Variants in PGGT1B observed in about 807,000 individuals in gnomAD.
PGGT1B encodes the protein protein geranylgeranyltransferase type I subunit beta.
In PGGT1B, 30 loss-of-function variants were observed where a neutral mutation model predicts 46.1. The observed-to-expected ratio is 0.65, with a 90% CI of 0.49 to 0.88. The LOEUF (loss-of-function observed/expected upper bound fraction) is 0.88. PGGT1B is among the 40% of genes least tolerant of loss of function. The pLI, the probability that PGGT1B is intolerant of heterozygous loss-of-function variation, is 0.00. For synonymous variants in PGGT1B, 170 were observed against 160.0 expected (o/e 1.06, Z -0.47); for missense variants, 376 against 455.9 (o/e 0.82, Z 1.60).
At chr5:115,235,340 T>C (rs984802358) in intron 5 of PGGT1B, among the ~76,000 whole-genome samples, 2 of 152,012 alleles carry the variant, frequency 1.3e-5, no homozygotes, top group Non-Finnish European at 2.9e-5. Flanking sequence ...AACTGATATT[T>C]ATAGGAAGGA....
At chr5:115,259,514 C>T (rs558775857) in intron 1 of PGGT1B, among the ~76,000 whole-genome samples, 35 of 151,958 alleles carry the variant, frequency 2.3e-4, no homozygotes, top group South Asian at 6.3e-4. Context: ...ATGGTGAAAC[C>T]GCATCTCTAC....
Position 115,257,021 on chromosome 5 carries a change from T to C in PGGT1B, c.141-3766A>G, listed in dbSNP as rs1748343733. ...TGTAAATAAGCAAACAATATCTTTC[T>C]GTTCACCCCTCTTCTCTCACTCTGA... On this transcript the variant is annotated intron_variant, in intron 1 of 8. Coordinates refer to ENST00000419445, the MANE Select transcript of PGGT1B (RefSeq NM_005023.4). Among the ~76,000 whole-genome samples the C allele has an allele frequency of 2.0e-5, 3 of 152,344 alleles. No homozygotes were observed. The South Asian group carries it at 6.2e-4, about 32-fold the overall frequency.
chr5:115,243,930 T>G (rs1429732580), intron 2 of PGGT1B, among the ~76,000 whole-genome samples: 1 of 152,142 alleles, frequency 6.6e-6, no homozygotes, highest in Non-Finnish European at 1.5e-5. Context: ...TACCTTCTCT[T>G]CTCTCTTCTG....
intron 2 of PGGT1B, among the ~76,000 whole-genome samples, chr5:115,251,929 A>T (rs576937818): frequency 6.6e-6 from 1 of 152,214 alleles, no homozygotes; most frequent in Non-Finnish European, 1.5e-5. Flanking sequence ...AAATTATTAA[A>T]AAACATCCGG....
chr5:115,248,373 G>T (rs909779792), intron 2 of PGGT1B, among the ~76,000 whole-genome samples: 2 of 152,140 alleles, frequency 1.3e-5, no homozygotes, highest in Non-Finnish European at 2.9e-5. Context: ...TATTACTGTG[G>T]ACAAATTATT....
chr5:115,214,510 T>A (rs1756349149), intron 8 of PGGT1B, among the ~76,000 whole-genome samples: 1 of 152,226 alleles, frequency 6.6e-6, no homozygotes, highest in Admixed American at 6.5e-5. Flanking sequence ...AGAATAAGCT[T>A]AATTTTAAAG....
rs570785929 is a variant in PGGT1B, at chr5:115,206,549, C to T, written c.*5853G>A. The T allele has an allele frequency of 6.6e-5, 10 of 152,112 alleles. No individual in the cohort carries two copies. In the East Asian group the frequency reaches 1.9e-3, roughly 29 times the overall value. 9.4% of individuals were successfully genotyped at this position (152,112 alleles called of 1,614,324 possible). The stretch of plus-strand genomic sequence containing the variant: ...GGAATTCCTCTTCTGTTCCATTGGA[C>T]TTCCTATTTATGTGCCAATACAAAA... On this transcript the variant is annotated 3_prime_UTR_variant, in exon 9 of 9. Coordinates refer to ENST00000419445, the MANE Select transcript of PGGT1B (RefSeq NM_005023.4).
At chr5:115,245,089 C>T (rs1224067105) in intron 2 of PGGT1B, among the ~76,000 whole-genome samples, 1 of 152,048 alleles carries the variant, frequency 6.6e-6, no homozygotes, top group Non-Finnish European at 1.5e-5. Context: ...GATCCCATTT[C>T]TACTTTTGAT....
In PGGT1B at chr5:115,212,374, T is replaced by TTGCCC; in HGVS notation, c.*27_*28insGGGCA. 1 of 1,554,748 alleles carries TTGCCC rather than the reference T, an allele frequency of 6.4e-7. No individual in the cohort carries two copies. The highest frequency in any genetic ancestry group is 8.8e-7 in the Non-Finnish European group (1 of 1,131,922). Reference sequence around the variant, plus strand: ...ACTTGAGCTACAGTTATGCTACAAATCCCCCCACCCTCCCAATCTAAAATC... The same window carrying TTGCCC: ...ACTTGAGCTACAGTTATGCTACAAATTGCCCCCCCCCACCCTCCCAATCTAAAATC... On this transcript the variant is annotated 3_prime_UTR_variant, in exon 9 of 9. Transcript: ENST00000419445.
In PGGT1B at chr5:115,211,035, T is replaced by C. The variant is rs982322835; in HGVS notation, c.*1367A>G. The C allele has an allele frequency of 7.2e-5, 11 of 152,088 alleles. No homozygotes were observed. Among genetic ancestry groups the C allele is most frequent in the African/African-American group, 2.7e-4 (11 of 41,444 alleles). The allele number at this position is 152,088 out of a possible 1,614,324, so 9.4% of individuals were successfully genotyped here. On this transcript the variant is annotated 3_prime_UTR_variant, in exon 9 of 9. Transcript: ENST00000419445. ...CTGATTTAGAAAAAAAGATAACATTTAAAGTATTACAATGCCTAAACAGTG... is the reference window on the plus strand; with the variant it reads ...CTGATTTAGAAAAAAAGATAACATTCAAAGTATTACAATGCCTAAACAGTG...
At chr5:115,215,530 T>C (rs1756388831) in intron 8 of PGGT1B, among the ~76,000 whole-genome samples, 1 of 152,024 alleles carries the variant, frequency 6.6e-6, no homozygotes, top group Non-Finnish European at 1.5e-5. Context: ...ACTCCTTGCC[T>C]CAAGTGATCC....
chr5:115,246,355 CAAA>C (rs59252027), intron 2 of PGGT1B, among the ~76,000 whole-genome samples: 2 of 118,584 alleles, frequency 1.7e-5, no homozygotes, highest in Non-Finnish European at 1.8e-5. Context: ...TACTCCATTT[CAAA>C]AAAAAAAAAA....
intron 8 of PGGT1B, among the ~76,000 whole-genome samples, chr5:115,214,184 T>G (rs765868781): frequency 1.4e-4 from 21 of 152,170 alleles, no homozygotes; most frequent in African/African-American, 4.8e-4. Flanking sequence ...AATAGAACTG[T>G]GTAAAACTAA....
At position 115,216,901 on chromosome 5, in the gene PGGT1B, C is replaced by T; in HGVS notation, c.916G>A (p.Val306Ile). ...TCTGGCCACTTGGCAAATCCCCCTA[C>T]AAGGCGATCTTGAGTTGATAAGATG... ...NYILSTQDRL[V>I]GGFAKWPDSH... Residue 306 changes from valine (V) to isoleucine (I), a missense_variant, in exon 8 of 9, where the codon GTA becomes ATA. Physicochemically the swap from Val to Ile is conservative, Grantham distance 29 (BLOSUM62 3). Around this residue, in one of 2 missense-constraint regions of PGGT1B, gnomAD observed 222 missense variants for 313.6 expected, o/e 0.71. Coordinates refer to ENST00000419445, the MANE Select transcript of PGGT1B (RefSeq NM_005023.4). The T allele has an allele frequency of 7.5e-6, 12 of 1,597,594 alleles. No individual in the cohort carries two copies. The highest frequency in any genetic ancestry group is 1.0e-5 in the Non-Finnish European group (12 of 1,167,316).
At chr5:115,262,673 G>A (rs772311637) in intron 1 of PGGT1B, 39 bp downstream of exon 1, 3 of 1,573,032 alleles carry the variant, frequency 1.9e-6, no homozygotes, top group East Asian at 2.3e-5. Flanking sequence ...GCTGGAGCCC[G>A]GGCCTTGTGC....
intron 7 of PGGT1B, among the ~76,000 whole-genome samples, chr5:115,219,986 A>G (rs948675897): frequency 8.6e-5 from 13 of 151,854 alleles, no homozygotes; most frequent in African/African-American, 3.1e-4. Context: ...ACTCTCATAC[A>G]TTGCTAGAGG....
chr5:115,216,820 A>G (rs377402207), intron 8 of PGGT1B, 45 bp downstream of exon 8: 4 of 924,332 alleles, frequency 4.3e-6, no homozygotes, highest in South Asian at 2.7e-5. Flanking sequence ...TTGAAGATCT[A>G]TTCAGGAAAT....
At chr5:115,245,602 G>A (rs1296416054) in intron 2 of PGGT1B, among the ~76,000 whole-genome samples, 1 of 152,186 alleles carries the variant, frequency 6.6e-6, no homozygotes, top group Non-Finnish European at 1.5e-5. Context: ...GTGAAACAAG[G>A]CTTAATAAAC....
intron 8 of PGGT1B, among the ~76,000 whole-genome samples, chr5:115,213,248 G>A (rs1468641223): frequency 1.3e-5 from 2 of 152,156 alleles, no homozygotes; most frequent in African/African-American, 2.4e-5. Flanking sequence ...CTCATACCAT[G>A]ACAATTCTGC....
Sources: gnomAD v4.1 joint callset for allele counts (sites outside exome capture counted in the v4.1 genomes callset) on GRCh38, gnomAD v4.1.1 for gene constraint, gnomAD v4.1.1 regional missense constraint, MANE v1.5 for transcripts, NCBI Gene and HGNC (gene_info 2026-07-23, HGNC 2026-07-21) for gene names.